The following WDPCP variants were observed in gnomAD, a reference collection of about 807,000 sequenced individuals.
WDPCP encodes WD repeat-containing and planar cell polarity effector protein fritz homolog.
A neutral mutation model predicts 93.1 loss-of-function variants in WDPCP; 71 were observed. The observed-to-expected ratio is 0.76, with a 90% CI of 0.63 to 0.93. WDPCP has a LOEUF of 0.93. WDPCP is among the 40% of genes least tolerant of loss of function. WDPCP has a pLI of 0.00. For synonymous variants in WDPCP, 315 were observed against 315.0 expected, an observed-to-expected ratio of 1.00 and a Z score of 0.00; for missense variants, 844 against 887.4, an observed-to-expected ratio of 0.95 and a Z score of 0.62.
chr2:63,227,453 T>C (rs981969759), intron 14 of WDPCP, among the ~76,000 whole-genome samples: 5 of 152,050 alleles, frequency 3.3e-5, no homozygotes, highest in African/African-American at 7.2e-5. Flanking sequence ...TAATATAATA[T>C]GGTAAACAAG....
At chr2:63,450,759 A>G (rs13390439) in intron 6 of WDPCP, among the ~76,000 whole-genome samples, 266 of 152,336 alleles carry the variant, frequency 1.7e-3, no homozygotes, top group Middle Eastern at 6.8e-3. Flanking sequence ...TGAAGAAATC[A>G]TAGAGAGACT....
chr2:63,427,598 T>C (rs1420640724), intron 9 of WDPCP, among the ~76,000 whole-genome samples: 1 of 151,724 alleles, frequency 6.6e-6, no homozygotes, highest in African/African-American at 2.4e-5. Context: ...AAGAGGAAAA[T>C]TTCCCGCAGT....
intron 1 of WDPCP, among the ~76,000 whole-genome samples, chr2:63,526,327 T>C (rs1279181485): frequency 1.3e-5 from 2 of 152,218 alleles, no homozygotes; most frequent in East Asian, 3.8e-4. Flanking sequence ...CTATTTCGTG[T>C]TGTCCAACAC....
Position 63,549,437 on chromosome 2 carries a change from A to G in WDPCP, c.75+38760T>C, listed in dbSNP as rs531030024. Among the ~76,000 whole-genome samples the G allele has an allele frequency of 2.6e-5, 4 of 152,122 alleles. No individual in the cohort carries two copies. In the South Asian group the frequency reaches 8.3e-4, roughly 32 times the overall value. On this transcript the variant is annotated intron_variant, in intron 1 of 17. Coordinates refer to ENST00000272321, the MANE Select transcript of WDPCP (RefSeq NM_015910.7). Reference sequence around the variant, plus strand: ...GTTTTATACTGTAATGGAAACTAGAAAAAAAAATTACCAAGTCATTAGCAT... The same window carrying G: ...GTTTTATACTGTAATGGAAACTAGAGAAAAAAATTACCAAGTCATTAGCAT...
intron 7 of WDPCP, 160 bp from the exon 8 acceptor site, chr2:63,437,714 T>G: frequency 9.8e-7 from 1 of 1,015,842 alleles, no homozygotes; most frequent in South Asian, 1.9e-5. Context: ...TTAAAGATAT[T>G]AGGAATAAAC....
intron 13 of WDPCP, among the ~76,000 whole-genome samples, chr2:63,271,737 C>T (rs1682672395): frequency 6.6e-6 from 1 of 152,140 alleles, no homozygotes; most frequent in Admixed American, 6.5e-5. Context: ...GGGGAATCAA[C>T]CCATCCCACC....
intron 2 of WDPCP, among the ~76,000 whole-genome samples, chr2:63,698,164 C>A (rs1668987674): frequency 6.6e-6 from 1 of 151,684 alleles, no homozygotes; most frequent in African/African-American, 2.4e-5. Flanking sequence ...CCATGTTGGC[C>A]AGGCTGGTCT....
At chr2:63,509,433 A>G (rs1702082378) in intron 1 of WDPCP, among the ~76,000 whole-genome samples, 1 of 152,332 alleles carries the variant, frequency 6.6e-6, no homozygotes. Context: ...CAGCTAAACC[A>G]GTGTTTAGAG....
At chr2:63,469,850 TAA>T (rs1377327473) in intron 6 of WDPCP, among the ~76,000 whole-genome samples, 1 of 152,144 alleles carries the variant, frequency 6.6e-6, no homozygotes, top group Admixed American at 6.5e-5. Flanking sequence ...GAACCTAAAA[TAA>T]AAGTTTTTTA....
At chr2:63,473,657 C>T (rs760626404) in intron 6 of WDPCP, among the ~76,000 whole-genome samples, 5 of 152,104 alleles carry the variant, frequency 3.3e-5, no homozygotes, top group Non-Finnish European at 5.9e-5. Flanking sequence ...TTCCAAAAAC[C>T]GATATCTCCT....
chr2:63,188,554 G>A (rs1486954600), intron 14 of WDPCP, among the ~76,000 whole-genome samples: 2 of 151,318 alleles, frequency 1.3e-5, no homozygotes, highest in African/African-American at 2.4e-5. Context: ...GGCTAGTCTT[G>A]AACTCCTGAG....
intron 2 of WDPCP, among the ~76,000 whole-genome samples, chr2:63,707,033 G>A (rs137920792): frequency 0.17 from 26,216 of 152,004 alleles, 3,001 homozygotes; most frequent in Non-Finnish European, 0.23. Flanking sequence ...TGGGTAACCC[G>A]ACCTTTCTTT....
chr2:63,511,344 G>T (rs1702219450), intron 1 of WDPCP, among the ~76,000 whole-genome samples: 1 of 152,104 alleles, frequency 6.6e-6, no homozygotes, highest in African/African-American at 2.4e-5. Flanking sequence ...TAGATTCAAT[G>T]GTATTCCCAT....
At chr2:63,498,651 C>A (rs1297176532) in intron 1 of WDPCP, among the ~76,000 whole-genome samples, 1 of 152,170 alleles carries the variant, frequency 6.6e-6, no homozygotes, top group Non-Finnish European at 1.5e-5. Context: ...CTGAATAAAT[C>A]TGCAAAATAC....
intron 15 of WDPCP, among the ~76,000 whole-genome samples, chr2:63,165,791 A>G (rs1488849544): frequency 1.3e-5 from 2 of 151,580 alleles, no homozygotes; most frequent in Admixed American, 1.3e-4. Flanking sequence ...CCTTGTTTAA[A>G]TGGTTAATTT....
At chr2:63,501,904 C>G (rs1487873867) in intron 1 of WDPCP, among the ~76,000 whole-genome samples, 1 of 152,208 alleles carries the variant, frequency 6.6e-6, no homozygotes, top group Non-Finnish European at 1.5e-5. Flanking sequence ...GTGTGAGCCA[C>G]CGTGCCTGAC....
At chr2:63,497,632 C>T (rs767891965) in intron 1 of WDPCP, among the ~76,000 whole-genome samples, 12 of 152,084 alleles carry the variant, frequency 7.9e-5, no homozygotes, top group Non-Finnish European at 1.5e-4. Context: ...CCTTTTTAGT[C>T]TTCAAGCATT....
intron 10 of WDPCP, among the ~76,000 whole-genome samples, chr2:63,402,291 G>C (rs938400671): frequency 1.3e-5 from 2 of 152,048 alleles, no homozygotes; most frequent in African/African-American, 4.8e-5. Flanking sequence ...ACAGGGAGGG[G>C]AACAACACAC....
At chr2:63,265,697 A>C (rs1180066954) in intron 13 of WDPCP, among the ~76,000 whole-genome samples, 1 of 152,204 alleles carries the variant, frequency 6.6e-6, no homozygotes, top group African/African-American at 2.4e-5. Flanking sequence ...AGCCAGACAA[A>C]GACATTACAA....
Sources: allele counts gnomAD v4.1 joint callset (sites outside exome capture counted in the v4.1 genomes callset), GRCh38; gene constraint gnomAD v4.1.1; transcripts MANE v1.5; gene names NCBI Gene and HGNC (gene_info 2026-07-23, HGNC 2026-07-21).